Variants in HSPA4 observed in about 807,000 individuals in gnomAD.
HSPA4 encodes heat shock protein family A (Hsp70) member 4.
HSPA4 carries 25 observed loss-of-function variants against 106.2 expected under a neutral mutation model. The observed-to-expected ratio is 0.24, with a 90% CI of 0.17 to 0.33. The LOEUF is 0.33. HSPA4 is among the 10% of genes least tolerant of loss of function. HSPA4 has a pLI of 1.00. For missense variants in HSPA4, 841 were observed against 996.0 expected, an observed-to-expected ratio of 0.84 and a Z score of 2.10; for synonymous variants, 332 against 333.6, an observed-to-expected ratio of 1.00 and a Z score of 0.05.
At chr5:133,073,399 G>C in intron 5 of HSPA4, 70 bp downstream of exon 5, 1 of 1,051,988 alleles carries the variant, frequency 9.5e-7, no homozygotes, top group Non-Finnish European at 1.4e-6. Context: ...AAAACCCTGG[G>C]GTTTCTTGCT....
rs551745857 is a variant in HSPA4 at position 133,081,991 on chromosome 5, A to G, written c.909-4791A>G. On this transcript the variant is annotated intron_variant, in intron 7 of 18. Coordinates refer to ENST00000304858, the MANE Select transcript of HSPA4 (RefSeq NM_002154.4). ...CTCATATGTGAATGTTCATTGCACTACTCATAATAGACAAAAAGTGGAAAC... is the reference window on the plus strand; with the variant it reads ...CTCATATGTGAATGTTCATTGCACTGCTCATAATAGACAAAAAGTGGAAAC... 3.3e-5 allele frequency among the ~76,000 whole-genome samples: 5 copies of G among 152,346 alleles called. No individual in the cohort carries two copies. In the South Asian group the frequency reaches 1.0e-3, roughly 32 times the overall value.
intron 12 of HSPA4, 103 bp from the exon 13 acceptor site, chr5:133,092,597 C>A: frequency 2.5e-6 from 2 of 790,692 alleles, no homozygotes; most frequent in South Asian, 1.5e-5. Context: ...CTTCTGATTG[C>A]TGGTAATTCA....
intron 8 of HSPA4, 63 bp from the exon 9 acceptor site, chr5:133,088,341 C>T: frequency 8.4e-7 from 1 of 1,192,720 alleles, no homozygotes; most frequent in Non-Finnish European, 1.2e-6. Context: ...GTTATTTCAT[C>T]ATGGTAAGAT....
At chr5:133,064,887 G>A (rs1290396394) in intron 1 of HSPA4, 93 bp from the exon 2 acceptor site, 1 of 1,025,518 alleles carries the variant, frequency 9.8e-7, no homozygotes. Flanking sequence ...AAAATATATG[G>A]CATTTTAGCT....
At chr5:133,085,760 GCACAGGGAGGGA>G (rs1361663619) in intron 7 of HSPA4, among the ~76,000 whole-genome samples, 2 of 125,450 alleles carry the variant, frequency 1.6e-5, no homozygotes, top group East Asian at 7.6e-4. Flanking sequence ...AATAGTTGGA[GCACAGGGAGGGA>G]TGAATAGTTG....
At chr5:133,082,795 G>A (rs1302097706) in intron 7 of HSPA4, among the ~76,000 whole-genome samples, 1 of 152,074 alleles carries the variant, frequency 6.6e-6, no homozygotes. Context: ...GAATTCTATA[G>A]CATGTAAATT....
chr5:133,092,284 G>T lies in HSPA4; in HGVS notation c.1561-416G>T, dbSNP rs116279280. ...ATGCAGTGGTCATACTTTTGAGGAT[G>T]AAGAGAGGCTGACTTAGGAACTATT... is the stretch of plus-strand genomic sequence containing the variant. On this transcript the variant is annotated intron_variant, in intron 12 of 18. Coordinates refer to ENST00000304858, the MANE Select transcript of HSPA4 (RefSeq NM_002154.4). 2.7e-3 allele frequency among the ~76,000 whole-genome samples: 410 copies of T among 152,304 alleles called. 3 individuals carry two copies. Among genetic ancestry groups the T allele is most frequent in the African/African-American group, 9.3e-3 (386 of 41,560 alleles).
chr5:133,052,450 A>T, intron 1 of HSPA4, 93 bp downstream of exon 1: 1 of 875,776 alleles, frequency 1.1e-6, no homozygotes, highest in Non-Finnish European at 1.7e-6. Context: ...ACGCGGGCCG[A>T]GGAGTCGCCT....
intron 1 of HSPA4, among the ~76,000 whole-genome samples, chr5:133,062,541 A>G (rs1372662409): frequency 1.3e-5 from 2 of 152,134 alleles, no homozygotes; most frequent in Non-Finnish European, 2.9e-5. Context: ...CTTTGAGAGG[A>G]GAGACATTTA....
chr5:133,070,762 C>T (rs371062751), intron 4 of HSPA4, among the ~76,000 whole-genome samples: 13 of 152,046 alleles, frequency 8.6e-5, no homozygotes, highest in South Asian at 2.1e-4. Context: ...ATTAGTTGGG[C>T]GTGGTGATGG....
intron 7 of HSPA4, among the ~76,000 whole-genome samples, chr5:133,077,446 C>A (rs1035740905): frequency 6.6e-6 from 1 of 152,182 alleles, no homozygotes; most frequent in African/African-American, 2.4e-5. Flanking sequence ...CCATGTTGGC[C>A]AGGCTGGTCT....
chr5:133,087,429 G>A lies in HSPA4; in HGVS notation c.985+571G>A, dbSNP rs192305645. Among the ~76,000 whole-genome samples, 11 of 152,198 alleles carry A rather than the reference G, an allele frequency of 7.2e-5. No homozygotes were observed. In the East Asian group the frequency reaches 2.1e-3, roughly 29 times the overall value. On this transcript the variant is annotated intron_variant, in intron 8 of 18. Coordinates refer to ENST00000304858, the MANE Select transcript of HSPA4 (RefSeq NM_002154.4). The stretch of plus-strand genomic sequence containing the variant: ...CAGGCTTTCCTCTTTAGTGATGATG[G>A]CAAATGGGCTTATTTCCACACTGGG...
chr5:133,097,292 T>C lies in HSPA4; in HGVS notation c.1929+6T>C, dbSNP rs761242051. 6.2e-6 allele frequency: 10 copies of C among 1,611,486 alleles called. No individual in the cohort carries two copies. The highest frequency in any genetic ancestry group is 1.3e-5 in the African/African-American group (1 of 74,884). ...AGAAGTTTGTGAGTGAAGATGTAAG[T>C]CTGCCACAATATGCCTAACTACTGT... is the stretch of plus-strand genomic sequence containing the variant. On this transcript the variant is annotated splice_donor_region_variant and intron_variant, in intron 15 of 18. Coordinates refer to ENST00000304858, the MANE Select transcript of HSPA4 (RefSeq NM_002154.4).
chr5:133,083,346 C>T (rs1437312945), intron 7 of HSPA4, among the ~76,000 whole-genome samples: 1 of 152,004 alleles, frequency 6.6e-6, no homozygotes, highest in African/African-American at 2.4e-5. Flanking sequence ...CTGTTGCCAT[C>T]TTCTTAACAA....
intron 13 of HSPA4, among the ~76,000 whole-genome samples, chr5:133,093,182 G>T (rs1466989913): frequency 6.6e-6 from 1 of 151,782 alleles, no homozygotes; most frequent in Non-Finnish European, 1.5e-5. Context: ...CATGGTTTTG[G>T]CTGAGGGGCA....
At chr5:133,060,732 G>A (rs1385749459) in intron 1 of HSPA4, among the ~76,000 whole-genome samples, 1 of 151,080 alleles carries the variant, frequency 6.6e-6, no homozygotes, top group Non-Finnish European at 1.5e-5. Flanking sequence ...TTTAATGGAA[G>A]TAGGACTTTT....
chr5:133,099,038 G>A (rs1464564947), intron 15 of HSPA4, among the ~76,000 whole-genome samples: 3 of 152,160 alleles, frequency 2.0e-5, no homozygotes, highest in African/African-American at 7.2e-5. Context: ...ACGGCAGGGA[G>A]AATAATATAA....
At chr5:133,098,993 T>C (rs1765750205) in intron 15 of HSPA4, among the ~76,000 whole-genome samples, 1 of 152,096 alleles carries the variant, frequency 6.6e-6, no homozygotes, top group Non-Finnish European at 1.5e-5. Context: ...ATGCAGTTTT[T>C]ATTCTGAAAT....
chr5:133,075,070 A>G (rs1458456312), intron 6 of HSPA4, among the ~76,000 whole-genome samples: 1 of 152,028 alleles, frequency 6.6e-6, no homozygotes. Context: ...TTCATTTGTT[A>G]TGGTCTTGTT....
Sources: allele counts gnomAD v4.1 joint callset (sites outside exome capture counted in the v4.1 genomes callset), GRCh38; gene constraint gnomAD v4.1.1; transcripts MANE v1.5; gene names NCBI Gene and HGNC (gene_info 2026-07-23, HGNC 2026-07-21).